The following ETV6 variants were observed in gnomAD, a reference collection of about 807,000 sequenced individuals.
ETV6 encodes the protein ETS variant transcription factor 6.
A neutral mutation model predicts 51.1 loss-of-function variants in ETV6; 16 were observed. The ratio of observed to expected loss-of-function variants is 0.31; its 90% CI spans 0.21 to 0.48. ETV6 has a LOEUF of 0.48. ETV6 is among the 20% of genes least tolerant of loss of function. The pLI is 0.99. For missense variants in ETV6, 458 were observed against 594.8 expected (o/e 0.77, Z 2.39); for synonymous variants, 240 against 224.1 (o/e 1.07, Z -0.64).
At chr12:11,724,514 G>A (rs1443507333) in intron 1 of ETV6, among the ~76,000 whole-genome samples, 1 of 152,180 alleles carries the variant, frequency 6.6e-6, no homozygotes, top group Non-Finnish European at 1.5e-5. Flanking sequence ...AACATTGAAA[G>A]TCTACTATAT....
intron 2 of ETV6, among the ~76,000 whole-genome samples, chr12:11,765,474 A>G (rs1284390323): frequency 6.7e-6 from 1 of 149,436 alleles, no homozygotes; most frequent in African/African-American, 2.5e-5. Context: ...TTTTTTTTTA[A>G]TGAAGTGATT....
intron 1 of ETV6, among the ~76,000 whole-genome samples, chr12:11,731,017 T>G (rs751993963): frequency 6.6e-6 from 1 of 152,190 alleles, no homozygotes; most frequent in Non-Finnish European, 1.5e-5. Flanking sequence ...CCAGTGTAGT[T>G]GGTGACCCAG....
At chr12:11,743,813 A>G (rs1481876721) in intron 1 of ETV6, among the ~76,000 whole-genome samples, 1 of 152,044 alleles carries the variant, frequency 6.6e-6, no homozygotes, top group Non-Finnish European at 1.5e-5. Context: ...TCTTCCTTTT[A>G]CAAGACTTCC....
intron 1 of ETV6, among the ~76,000 whole-genome samples, chr12:11,740,022 T>G (rs1401972648): frequency 6.6e-6 from 1 of 152,212 alleles, no homozygotes; most frequent in Non-Finnish European, 1.5e-5. Flanking sequence ...GTAAGTTAAT[T>G]GAGAGGACAG....
intron 2 of ETV6, among the ~76,000 whole-genome samples, chr12:11,823,043 A>G (rs1446214991): frequency 6.6e-6 from 1 of 152,196 alleles, no homozygotes; most frequent in Non-Finnish European, 1.5e-5. Context: ...ACAAGACTCC[A>G]GTGAGAAAGG....
intron 2 of ETV6, among the ~76,000 whole-genome samples, chr12:11,825,111 C>T (rs1169099129): frequency 6.6e-6 from 1 of 152,092 alleles, no homozygotes; most frequent in Non-Finnish European, 1.5e-5. Context: ...TACTTACCTC[C>T]AAATGAGCTA....
At chr12:11,853,912 G>A (rs1189474129) in intron 4 of ETV6, among the ~76,000 whole-genome samples, 1 of 152,198 alleles carries the variant, frequency 6.6e-6, no homozygotes, top group Non-Finnish European at 1.5e-5. Context: ...TTTGGCACCA[G>A]GGACCAGTTT....
chr12:11,752,814 AAAAAG>A (rs1866064336), intron 2 of ETV6: 1 of 406,506 alleles, frequency 2.5e-6, no homozygotes. Flanking sequence ...ATGTTAAAAA[AAAAAG>A]AAACCTGGAA....
chr12:11,689,809 T>TCCCCCCCCCCCCCCCCCCCCCCCCCCCC (rs796644073), intron 1 of ETV6, among the ~76,000 whole-genome samples: 1 of 47,088 alleles, frequency 2.1e-5, no homozygotes. Context: ...TCTTTTTCCC[T>TCCCCCCCCCCCCCCCCCCCCCCCCCCCC]CCCCCCCCCC....
At chr12:11,843,759 G>A (rs1466201124) in intron 3 of ETV6, among the ~76,000 whole-genome samples, 3 of 151,982 alleles carry the variant, frequency 2.0e-5, no homozygotes, top group African/African-American at 7.3e-5. Flanking sequence ...TCTACTTCCA[G>A]GACAAGAATC....
intron 2 of ETV6, among the ~76,000 whole-genome samples, chr12:11,789,167 G>C (rs941322959): frequency 6.6e-6 from 1 of 152,066 alleles, no homozygotes; most frequent in East Asian, 1.9e-4. Context: ...CGAGTAGCTG[G>C]GATTACAGGC....
chr12:11,712,562 A>C (rs576114362), intron 1 of ETV6, among the ~76,000 whole-genome samples: 17 of 152,320 alleles, frequency 1.1e-4, no homozygotes, highest in African/African-American at 4.1e-4. Flanking sequence ...ATGTCAATAG[A>C]TAGATAGGTG....
Position 11,733,344 on chromosome 12 carries a change from C to T in ETV6, c.34-19106C>T, listed in dbSNP as rs1415707468. 6.8e-5 allele frequency among the ~76,000 whole-genome samples: 9 copies of T among 132,446 alleles called. No homozygotes were observed. In the Admixed American group the frequency reaches 7.4e-4, roughly 11 times the overall value. 86.9% of individuals were successfully genotyped at this position (132,446 alleles called of 152,430 possible). A position where few individuals can be genotyped will look rare whatever the true frequency, so the allele number is the denominator to read the frequency against. The stretch of plus-strand genomic sequence containing the variant: ...AATGGCGTGAATCCGGGAGGCAGAG[C>T]TTGCAGTGAGCCGAGATCGCACCAC... On this transcript the variant is annotated intron_variant, in intron 1 of 7. Coordinates refer to ENST00000396373, the MANE Select transcript of ETV6 (RefSeq NM_001987.5).
At chr12:11,700,300 A>G (rs1268090820) in intron 1 of ETV6, among the ~76,000 whole-genome samples, 1 of 152,202 alleles carries the variant, frequency 6.6e-6, no homozygotes, top group African/African-American at 2.4e-5. Context: ...GTAGTGGTGA[A>G]GTCTGGGCTT....
chr12:11,860,689 GT>G (rs1305463239), intron 4 of ETV6, among the ~76,000 whole-genome samples: 7 of 139,280 alleles, frequency 5.0e-5, no homozygotes, highest in Admixed American at 5.0e-4. Flanking sequence ...TTATTTGGTT[GT>G]TTCCCCCCCT....
chr12:11,807,183 G>A (rs1338997751), intron 2 of ETV6, among the ~76,000 whole-genome samples: 1 of 152,230 alleles, frequency 6.6e-6, no homozygotes, highest in Non-Finnish European at 1.5e-5. Context: ...TAACTACATT[G>A]CTTTTTACAG....
At position 11,774,635 on chromosome 12, in the gene ETV6, T is replaced by C. The variant is rs1322199437; in HGVS notation, c.163+22056T>C. Reference sequence around the variant, plus strand: ...AATGGTGCCCAGGTTTTCATTTGGCTCACAAAAGATTATATAAAACTCATA... The same window carrying C: ...AATGGTGCCCAGGTTTTCATTTGGCCCACAAAAGATTATATAAAACTCATA... On this transcript the variant is annotated intron_variant, in intron 2 of 7. Transcript: ENST00000396373. Among the ~76,000 whole-genome samples, 3 of 152,206 alleles carry C rather than the reference T, an allele frequency of 2.0e-5. No homozygotes were observed. In the East Asian group the frequency reaches 5.8e-4, roughly 29 times the overall value.
intron 1 of ETV6, among the ~76,000 whole-genome samples, chr12:11,740,344 G>A (rs1235545709): frequency 6.6e-6 from 1 of 152,096 alleles, no homozygotes; most frequent in Non-Finnish European, 1.5e-5. Flanking sequence ...CAACTTTTTT[G>A]TTAAACTTTC....
chr12:11,834,373 C>T (rs1946285268), intron 2 of ETV6, among the ~76,000 whole-genome samples: 1 of 152,140 alleles, frequency 6.6e-6, no homozygotes, highest in Non-Finnish European at 1.5e-5. Flanking sequence ...GAGCAAATTC[C>T]TGTTTATACA....
Sources: gnomAD v4.1 joint callset for allele counts (sites outside exome capture counted in the v4.1 genomes callset) on GRCh38, gnomAD v4.1.1 for gene constraint, MANE v1.5 for transcripts, NCBI Gene and HGNC (gene_info 2026-07-23, HGNC 2026-07-21) for gene names.